EPCIP: variants seen among roughly 807,000 people sequenced by gnomAD.
EPCIP encodes the protein exosomal polycystin-1-interacting protein.
the EPCIP span, among the ~76,000 whole-genome samples, chr21:32,810,249 T>G: frequency 5.7e-5 from 1 of 17,416 alleles, no homozygotes; most frequent in Non-Finnish European, 1.6e-4. Context: ...ATTTGATCTT[T>G]TTTTTTTTTT....
At chr21:32,810,722 C>T in the EPCIP span, 1 of 468,628 alleles carries the variant, frequency 2.1e-6, no homozygotes, top group Non-Finnish European at 4.4e-6. Flanking sequence ...CTGACTGCAT[C>T]ATGCTCACAT....
the EPCIP span, chr21:32,798,660 A>G: frequency 1.3e-5 from 2 of 151,432 alleles, no homozygotes; most frequent in African/African-American, 2.4e-5. Context: ...ACGAGACCCC[A>G]TCTCTAATGA....
At chr21:32,809,686 A>T in the EPCIP span, among the ~76,000 whole-genome samples, 1 of 151,972 alleles carries the variant, frequency 6.6e-6, no homozygotes, top group Non-Finnish European at 1.5e-5. Context: ...TTATTCTCCA[A>T]TCTGGACCCC....
At chr21:32,810,837 T>C in the EPCIP span, among the ~76,000 whole-genome samples, 2 of 152,196 alleles carry the variant, frequency 1.3e-5, no homozygotes, top group African/African-American at 2.4e-5. Context: ...CAGACTCCTA[T>C]GAGAAATGTT....
At chr21:32,798,329 A>T in the EPCIP span, 2 of 152,272 alleles carry the variant, frequency 1.3e-5, no homozygotes, top group Non-Finnish European at 2.9e-5. Flanking sequence ...ATAGGGACAC[A>T]AGTGCAGGTT....
the EPCIP span, among the ~76,000 whole-genome samples, chr21:32,791,773 C>G: frequency 7.0e-4 from 107 of 151,944 alleles, no homozygotes; most frequent in African/African-American, 2.5e-3. Flanking sequence ...CTAAAGTCAT[C>G]AACCCCAGGA....
chr21:32,809,686 A>G, the EPCIP span, among the ~76,000 whole-genome samples: 2 of 151,854 alleles, frequency 1.3e-5, no homozygotes, highest in African/African-American at 2.4e-5. Flanking sequence ...TTATTCTCCA[A>G]TCTGGACCCC....
chr21:32,793,769 A>G, the EPCIP span: 1 of 1,614,168 alleles, frequency 6.2e-7, no homozygotes, highest in Non-Finnish European at 8.5e-7. Flanking sequence ...ATGCTAGTAA[A>G]TAAATGTGAC....
the EPCIP span, among the ~76,000 whole-genome samples, chr21:32,810,286 C>T: frequency 1.0e-3 from 128 of 124,800 alleles, 2 homozygotes; most frequent in Non-Finnish European, 1.6e-3. Context: ...GACGGAGTCT[C>T]GCTCTGTCGC....
chr21:32,794,441 G>T, the EPCIP span: 1 of 1,600,310 alleles, frequency 6.2e-7, no homozygotes, highest in Non-Finnish European at 8.5e-7. Context: ...GCATGGGCCA[G>T]CGTGTTTATC....
chr21:32,792,062 G>A, the EPCIP span, among the ~76,000 whole-genome samples: 9 of 151,876 alleles, frequency 5.9e-5, no homozygotes, highest in Admixed American at 1.3e-4. Flanking sequence ...GCACCACCAC[G>A]CCTGGCTTAT....
chr21:32,795,917 A>C, the EPCIP span, among the ~76,000 whole-genome samples: 1 of 152,080 alleles, frequency 6.6e-6, no homozygotes, highest in Non-Finnish European at 1.5e-5. Flanking sequence ...GACTGTATTC[A>C]TGCATTCATC....
At chr21:32,802,964 G>T in the EPCIP span, among the ~76,000 whole-genome samples, 1,145 of 152,296 alleles carry the variant, frequency 7.5e-3, 19 homozygotes, top group Admixed American at 0.036. Context: ...CACTCCCTGA[G>T]ACATCCACTG....
the EPCIP span, among the ~76,000 whole-genome samples, chr21:32,812,065 T>C: frequency 8.3e-4 from 126 of 152,332 alleles, 1 homozygote; most frequent in Middle Eastern, 6.8e-3. Context: ...GAGGACAATA[T>C]GAGCAGAGTG....
the EPCIP span, among the ~76,000 whole-genome samples, chr21:32,791,798 A>G: frequency 6.6e-6 from 1 of 151,972 alleles, no homozygotes; most frequent in African/African-American, 2.4e-5. Flanking sequence ...CTGTTAAGTC[A>G]TGGACTATTT....
At chr21:32,798,446 G>C in the EPCIP span, 1 of 152,276 alleles carries the variant, frequency 6.6e-6, no homozygotes, top group Non-Finnish European at 1.5e-5. Context: ...AAAGGCACCT[G>C]TTCTCCTCAT....
At chr21:32,796,846 C>G in the EPCIP span, 2 of 375,794 alleles carry the variant, frequency 5.3e-6, no homozygotes, top group Admixed American at 3.7e-5. Context: ...TACTGTTGGC[C>G]CACCCTGACC....
At chr21:32,808,907 G>T in the EPCIP span, among the ~76,000 whole-genome samples, 2 of 152,146 alleles carry the variant, frequency 1.3e-5, no homozygotes, top group East Asian at 3.9e-4. Context: ...ACTCTTTGAC[G>T]ATTAGTTTTG....
chr21:32,812,550 T>C, the EPCIP span, among the ~76,000 whole-genome samples: 5 of 152,144 alleles, frequency 3.3e-5, no homozygotes, highest in South Asian at 2.1e-4. Flanking sequence ...TTTCAGAAAA[T>C]GCCCAATTTC....
Sources: gnomAD v4.1 joint callset for allele counts (sites outside exome capture counted in the v4.1 genomes callset) on GRCh38, gnomAD v4.1.1 for gene constraint, MANE v1.5 for transcripts, NCBI Gene and HGNC (gene_info 2026-07-23, HGNC 2026-07-21) for gene names.